AGPAT3: variants seen among roughly 807,000 people sequenced by gnomAD.
The protein encoded by AGPAT3 is 1-acylglycerol-3-phosphate O-acyltransferase 3.
In AGPAT3, 5 loss-of-function variants were observed where a neutral mutation model predicts 47.3. The observed-to-expected ratio is 0.11, with a 90% CI of 0.06 to 0.22. The LOEUF (loss-of-function observed/expected upper bound fraction) is 0.22. Among genes scored for constraint, AGPAT3 ranks in the 10% least tolerant of loss-of-function variants. The pLI is 1.00. For missense variants in AGPAT3, 315 were observed against 493.0 expected, an observed-to-expected ratio of 0.64 and a Z score of 3.42; for synonymous variants, 212 against 208.3, an observed-to-expected ratio of 1.02 and a Z score of -0.15.
At chr21:43,876,050 A>G (rs538197298) in intron 1 of AGPAT3, among the ~76,000 whole-genome samples, 1 of 152,168 alleles carries the variant, frequency 6.6e-6, no homozygotes, top group South Asian at 2.1e-4. Flanking sequence ...CAGCCTCCCA[A>G]GTGCTGGGAT....
In AGPAT3 at chr21:43,970,946, G is replaced by GC. The variant is rs1209895172; in HGVS notation, c.664+141dup. 4 of 967,392 alleles carry GC rather than the reference G, an allele frequency of 4.1e-6. No individual in the cohort carries two copies. The highest frequency in any genetic ancestry group is 5.6e-6 in the Non-Finnish European group (4 of 709,426). 59.9% of individuals were successfully genotyped at this position (967,392 alleles called of 1,614,324 possible). A position where few individuals can be genotyped will look rare whatever the true frequency, so the allele number is the denominator to read the frequency against. On this transcript the variant is annotated intron_variant, in intron 6 of 9. Coordinates refer to ENST00000291572, the MANE Select transcript of AGPAT3 (RefSeq NM_020132.5). This position sits in a 1 kb window ranked among gnomAD's most constrained non-coding sequence, Gnocchi z 5.8. Reference sequence around the variant, plus strand: ...CAAAAGGAATCAAGTGAGGGGGTCGGCGCCGCAAGGTTCCCGCGTCAGGTT... The same window carrying GC: ...CAAAAGGAATCAAGTGAGGGGGTCGGCCGCCGCAAGGTTCCCGCGTCAGGTT...
At chr21:43,957,054 G>A (rs960090028) in intron 2 of AGPAT3, among the ~76,000 whole-genome samples, 1 of 152,148 alleles carries the variant, frequency 6.6e-6, no homozygotes, top group African/African-American at 2.4e-5. Context: ...GGTTTCTGGG[G>A]AGCCAAGGGC....
chr21:43,951,004 A>ATT (rs1193803133), intron 2 of AGPAT3: 3 of 152,246 alleles, frequency 2.0e-5, no homozygotes, highest in Non-Finnish European at 4.4e-5. Flanking sequence ...CCTTTGAGAT[A>ATT]TCACTGCGTC....
At position 43,954,945 on chromosome 21, in the gene AGPAT3, A is replaced by C. The variant is rs913584739; in HGVS notation, c.-48-4689A>C. 15 of 995,338 alleles carry C rather than the reference A, an allele frequency of 1.5e-5. No individual in the cohort carries two copies. In the Admixed American group the frequency reaches 6.8e-4, roughly 45 times the overall value. 61.7% of individuals were successfully genotyped at this position (995,338 alleles called of 1,614,324 possible). On this transcript the variant is annotated intron_variant, in intron 2 of 9. Transcript: ENST00000291572. This position sits in a 1 kb window ranked among gnomAD's most constrained non-coding sequence, Gnocchi z 4.0. ...CCCAGAGGTTCAGGTGATGGACCAG[A>C]GACTGGCCGCTTTGTGACACCGAGG...
chr21:43,901,828 A>G (rs1408577367), intron 1 of AGPAT3, among the ~76,000 whole-genome samples: 1 of 152,196 alleles, frequency 6.6e-6, no homozygotes, highest in African/African-American at 2.4e-5. Context: ...GCTGAATGGG[A>G]TTAGTGGTAG....
chr21:43,956,230 C>G (rs750454108), intron 2 of AGPAT3, among the ~76,000 whole-genome samples: 14 of 152,228 alleles, frequency 9.2e-5, no homozygotes, highest in Non-Finnish European at 1.9e-4. Flanking sequence ...CAAGCCTGGT[C>G]TGCCCAGCGT....
At chr21:43,870,083 C>T (rs1040753928) in intron 1 of AGPAT3, among the ~76,000 whole-genome samples, 9 of 152,156 alleles carry the variant, frequency 5.9e-5, no homozygotes, top group Admixed American at 2.6e-4. Flanking sequence ...TTATGCGGCA[C>T]GGGCGGGCGG....
At position 43,880,415 on chromosome 21, in the gene AGPAT3, G is replaced by A. The variant is rs1479137601; in HGVS notation, c.-112+15070G>A. 6.6e-6 allele frequency among the ~76,000 whole-genome samples: 1 copy of A among 152,212 alleles called. No homozygotes were observed. Among genetic ancestry groups the A allele is most frequent in the Non-Finnish European group, 1.5e-5 (1 of 68,038 alleles). ...TCTGGTGCCACTTCCTCAGGTATGC[G>A]AGGGCTGCCTTTGTAAGTCACTGGC... On this transcript the variant is annotated intron_variant, in intron 1 of 9. Transcript: ENST00000291572. The surrounding 1 kb of genome is among the most constrained non-coding windows in gnomAD (Gnocchi z 4.5).
chr21:43,961,503 G>T lies in AGPAT3; in HGVS notation c.178+1644G>T, dbSNP rs1382200375. On this transcript the variant is annotated intron_variant, in intron 3 of 9. Coordinates refer to ENST00000291572, the MANE Select transcript of AGPAT3 (RefSeq NM_020132.5). ...TCATATGGAAAACAGTGAACGCGTAGACACTTTGTCTCGTGGGAAACGGTG... is the reference window on the plus strand; with the variant it reads ...TCATATGGAAAACAGTGAACGCGTATACACTTTGTCTCGTGGGAAACGGTG... Among the ~76,000 whole-genome samples, 23 of 119,934 alleles carry T rather than the reference G, an allele frequency of 1.9e-4. No individual in the cohort carries two copies. The Admixed American group carries it at 2.0e-3, about 11-fold the overall frequency. The allele number at this position is 119,934 out of a possible 152,430, so 78.7% of individuals were successfully genotyped here.
chr21:43,902,207 T>C (rs2086373210), intron 1 of AGPAT3, among the ~76,000 whole-genome samples: 1 of 152,162 alleles, frequency 6.6e-6, no homozygotes, highest in African/African-American at 2.4e-5. Context: ...CGGTTTCTGA[T>C]CAGAAACTAT....
intron 1 of AGPAT3, among the ~76,000 whole-genome samples, chr21:43,879,476 G>A (rs1169273156): frequency 1.3e-5 from 2 of 151,908 alleles, no homozygotes; most frequent in African/African-American, 2.4e-5. Context: ...AAGGGACCGC[G>A]GGTGTCTGGC....
chr21:43,979,360 G>A (rs1243916907), intron 8 of AGPAT3, among the ~76,000 whole-genome samples: 1 of 150,850 alleles, frequency 6.6e-6, no homozygotes, highest in Non-Finnish European at 1.5e-5. Flanking sequence ...AAATCTCCAG[G>A]ACTGAAAAGG....
chr21:43,884,678 C>T (rs2085934406), intron 1 of AGPAT3, among the ~76,000 whole-genome samples: 1 of 151,424 alleles, frequency 6.6e-6, no homozygotes, highest in Non-Finnish European at 1.5e-5. Context: ...GTGCTGGATG[C>T]TGGGTGGCCT....
In AGPAT3 at chr21:43,880,680, T is replaced by A. The variant is rs181358780; in HGVS notation, c.-112+15335T>A. 6.6e-6 allele frequency among the ~76,000 whole-genome samples: 1 copy of A among 152,334 alleles called. No individual in the cohort carries two copies. Among genetic ancestry groups the A allele is most frequent in the Admixed American group, 6.5e-5 (1 of 15,298 alleles). On this transcript the variant is annotated intron_variant, in intron 1 of 9. Coordinates refer to ENST00000291572, the MANE Select transcript of AGPAT3 (RefSeq NM_020132.5). This position sits in a 1 kb window ranked among gnomAD's most constrained non-coding sequence, Gnocchi z 4.5. ...ATGGTAGGACAGATTCATTTCACAA[T>A]GATTTTGCCAATTACCCTTGTTATT...
intron 2 of AGPAT3, among the ~76,000 whole-genome samples, chr21:43,940,134 G>T (rs2087607207): frequency 6.6e-6 from 1 of 152,238 alleles, no homozygotes; most frequent in Non-Finnish European, 1.5e-5. Context: ...GGCAGCTCAG[G>T]CCAGGTCCTA....
Position 43,981,204 on chromosome 21 carries a change from C to T in AGPAT3, c.1042+17C>T. On this transcript the variant is annotated intron_variant, in intron 9 of 9. Coordinates refer to ENST00000291572, the MANE Select transcript of AGPAT3 (RefSeq NM_020132.5). The surrounding 1 kb of genome is among the most constrained non-coding windows in gnomAD (Gnocchi z 5.3). The stretch of plus-strand genomic sequence containing the variant: ...TGGGAGCAGGTAATGGACACTGTCG[C>T]TAACAGCTCACACTCTGACGGGCCT... The T allele has an allele frequency of 6.2e-7, 1 of 1,613,246 alleles. No homozygotes were observed. Among genetic ancestry groups the T allele is most frequent in the Non-Finnish European group, 8.5e-7 (1 of 1,179,228 alleles).
At chr21:43,913,903 AT>A (rs2086679052) in intron 2 of AGPAT3, among the ~76,000 whole-genome samples, 1 of 152,246 alleles carries the variant, frequency 6.6e-6, no homozygotes, top group South Asian at 2.1e-4. Flanking sequence ...ACATTAAAAA[AT>A]ATTTAATAAT....
chr21:43,896,382 T>A (rs1479451313), intron 1 of AGPAT3, among the ~76,000 whole-genome samples: 1 of 152,230 alleles, frequency 6.6e-6, no homozygotes, highest in East Asian at 1.9e-4. Context: ...TTTTAAAATG[T>A]TCTGTGTGTC....
At chr21:43,873,481 G>C (rs191903488) in intron 1 of AGPAT3, among the ~76,000 whole-genome samples, 2 of 152,132 alleles carry the variant, frequency 1.3e-5, no homozygotes, top group Non-Finnish European at 2.9e-5. Flanking sequence ...GGGTTCAAGC[G>C]ATTCTCCTGC....
Sources: allele counts gnomAD v4.1 joint callset (sites outside exome capture counted in the v4.1 genomes callset), GRCh38; gene constraint gnomAD v4.1.1; non-coding constraint Gnocchi (gnomAD v3.1); transcripts MANE v1.5; gene names NCBI Gene and HGNC (gene_info 2026-07-23, HGNC 2026-07-21).